Variants in ROCK2 observed in about 807,000 individuals in gnomAD.
The protein encoded by ROCK2 is Rho associated coiled-coil containing protein kinase 2.
Under a neutral mutation model 195.1 loss-of-function variants are expected in ROCK2, and 61 were observed. The ratio of observed to expected loss-of-function variants is 0.31; its 90% CI spans 0.25 to 0.39. The LOEUF is 0.39. Among genes scored for constraint, ROCK2 ranks in the 10% least tolerant of loss-of-function variants. The pLI, the probability that ROCK2 is intolerant of heterozygous loss-of-function variation, is 1.00. For missense variants in ROCK2, 1,109 were observed against 1,637.4 expected, an observed-to-expected ratio of 0.68 and a Z score of 5.57; for synonymous variants, 504 against 545.5, an observed-to-expected ratio of 0.92 and a Z score of 1.06.
At chr2:11,336,758 A>AG (rs148240223) in intron 1 of ROCK2, among the ~76,000 whole-genome samples, 3,368 of 152,302 alleles carry the variant, frequency 0.022, 56 homozygotes, top group East Asian at 0.052. Context: ...AATTATGTGG[A>AG]GAAAAAAAAT....
At chr2:11,285,672 C>A (rs1039928903) in intron 3 of ROCK2, among the ~76,000 whole-genome samples, 1 of 151,876 alleles carries the variant, frequency 6.6e-6, no homozygotes, top group Non-Finnish European at 1.5e-5. Context: ...ACATAAAATA[C>A]AAAAAATGAG....
chr2:11,261,731 C>T (rs956800902), intron 3 of ROCK2, among the ~76,000 whole-genome samples: 3 of 152,224 alleles, frequency 2.0e-5, no homozygotes, highest in African/African-American at 4.8e-5. Flanking sequence ...GCAGGAGAAT[C>T]GCTTCAACCC....
intron 1 of ROCK2, among the ~76,000 whole-genome samples, chr2:11,294,166 A>T (rs888802404): frequency 5.9e-5 from 9 of 152,160 alleles, no homozygotes; most frequent in African/African-American, 1.9e-4. Flanking sequence ...TCAAAAAAAA[A>T]TTTAAAAAAA....
Position 11,201,513 on chromosome 2 carries a change from T to C in ROCK2, c.2620-100A>G, listed in dbSNP as rs1663850841. The C allele has an allele frequency of 4.3e-6, 3 of 702,568 alleles. No homozygotes were observed. In the Admixed American group the frequency reaches 7.1e-5, roughly 17 times the overall value. The allele number at this position is 702,568 out of a possible 1,614,324, so 43.5% of individuals were successfully genotyped here. ...AAAAAGGAGAATGAACACATACAAA[T>C]ATTTTCTTACTGCTAAGTCCCCGAG... On this transcript the variant is annotated intron_variant, in intron 21 of 32. Transcript: ENST00000315872. The surrounding 1 kb of genome is among the most constrained non-coding windows in gnomAD (Gnocchi z 4.6).
In ROCK2 at chr2:11,227,374, C is replaced by T. The variant is rs762061673; in HGVS notation, c.748G>A (p.Ala250Thr). The change falls in exon 6 of 33, where the codon GCA (alanine) becomes ACA (threonine). Residue 250 changes from alanine to threonine, a missense_variant. Physicochemically the swap from Ala to Thr is moderately conservative, Grantham distance 58 (BLOSUM62 0). Coordinates refer to ENST00000315872, the MANE Select transcript of ROCK2 (RefSeq NM_004850.5). Reference sequence around the variant, plus strand: ...GATATATAATCCGGTGTTCCAACTGCTGTATCACAATGTACCATGCCTGTC... The same window carrying T: ...GATATATAATCCGGTGTTCCAACTGTTGTATCACAATGTACCATGCCTGTC... ...DETGMVHCDT[A>T]VGTPDYISPE... The T allele has an allele frequency of 6.2e-7, 1 of 1,613,564 alleles. No homozygotes were observed. The highest frequency in any genetic ancestry group is 8.5e-7 in the Non-Finnish European group (1 of 1,179,664).
Position 11,343,982 on chromosome 2 carries a change from C to T in ROCK2, c.141+14G>A, listed in dbSNP as rs762259291. 6 of 1,585,050 alleles carry T rather than the reference C, an allele frequency of 3.8e-6. 1 individual carries two copies. In the Admixed American group the frequency reaches 5.2e-5, roughly 14 times the overall value. On this transcript the variant is annotated intron_variant, in intron 1 of 32. Coordinates refer to ENST00000315872, the MANE Select transcript of ROCK2 (RefSeq NM_004850.5). ...GAGCTGCAACGAGCAAGCTCCCAGGCCCCGGCCACCTACCAGCAAGCTCTC... is the reference window on the plus strand; with the variant it reads ...GAGCTGCAACGAGCAAGCTCCCAGGTCCCGGCCACCTACCAGCAAGCTCTC...
intron 4 of ROCK2, among the ~76,000 whole-genome samples, chr2:11,248,313 C>T (rs1252115326): frequency 6.6e-6 from 1 of 151,940 alleles, no homozygotes; most frequent in Non-Finnish European, 1.5e-5. Flanking sequence ...TGGTGTATAC[C>T]TAATCTTACT....
chr2:11,182,815 G>C lies in ROCK2; in HGVS notation c.*622C>G, dbSNP rs1296446932. 6.6e-6 allele frequency: 1 copy of C among 152,502 alleles called. No homozygotes were observed. Among genetic ancestry groups the C allele is most frequent in the East Asian group, 1.9e-4 (1 of 5,192 alleles). 9.4% of individuals were successfully genotyped at this position (152,502 alleles called of 1,614,324 possible). On this transcript the variant is annotated 3_prime_UTR_variant, in exon 33 of 33. Transcript: ENST00000315872. ...ACATGCAACTTCCATCAGGTACACA[G>C]GAATGAGTGATATAAACTCCAACAT...
intron 6 of ROCK2, among the ~76,000 whole-genome samples, chr2:11,226,792 A>T (rs542068325): frequency 4.0e-5 from 6 of 151,708 alleles, no homozygotes; most frequent in African/African-American, 1.5e-4. Flanking sequence ...TGTGCCTGTA[A>T]TCCTAGCTAC....
chr2:11,190,550 T>C (rs1663384028), intron 32 of ROCK2, among the ~76,000 whole-genome samples: 1 of 148,882 alleles, frequency 6.7e-6, no homozygotes, highest in East Asian at 2.0e-4. Flanking sequence ...GTGAAATCAT[T>C]AATGTGTCAA....
intron 1 of ROCK2, among the ~76,000 whole-genome samples, chr2:11,333,305 C>T (rs573100406): frequency 6.6e-6 from 1 of 152,296 alleles, no homozygotes; most frequent in South Asian, 2.1e-4. Flanking sequence ...GACTGAAACA[C>T]ATTTTGCCAA....
In ROCK2 at chr2:11,202,066, C is replaced by G. The variant is rs1263474499; in HGVS notation, c.2605G>C (p.Glu869Gln). ...MKELQDQLEA[E>Q]QYFSTLYKTQ... is the part of the protein sequence containing the mutation. ...CTTGAACTTACTGAGAAATACTGTTCTGCTTCGAGCTGATCCTGGAGCTCT... is the reference window on the plus strand; with the variant it reads ...CTTGAACTTACTGAGAAATACTGTTGTGCTTCGAGCTGATCCTGGAGCTCT... The change falls in exon 21 of 33, where the codon GAA becomes CAA. Residue 869 changes from glutamate to glutamine, a missense_variant. By Grantham distance (29) the Glu-to-Gln change is conservative. This residue lies in a region of ROCK2 where 542 missense variants were observed against 672.0 expected (regional missense o/e 0.81). Transcript: ENST00000315872. 1 of 1,613,606 alleles carries G rather than the reference C, an allele frequency of 6.2e-7. No individual in the cohort carries two copies.
intron 3 of ROCK2, among the ~76,000 whole-genome samples, chr2:11,271,042 G>T (rs1012163039): frequency 3.3e-5 from 5 of 152,104 alleles, no homozygotes; most frequent in Non-Finnish European, 5.9e-5. Flanking sequence ...TTATGATTAG[G>T]TCTCAGCGAA....
intron 3 of ROCK2, among the ~76,000 whole-genome samples, chr2:11,255,928 CAAAAAAAAA>C (rs57678031): frequency 2.1e-4 from 7 of 33,070 alleles, no homozygotes; most frequent in Middle Eastern, 0.036. Context: ...GACTCCATCT[CAAAAAAAAA>C]AAAAAAAAAA....
intron 20 of ROCK2, among the ~76,000 whole-genome samples, chr2:11,202,537 GC>G (rs1663897570): frequency 1.3e-5 from 2 of 151,366 alleles, no homozygotes; most frequent in Admixed American, 1.3e-4. Context: ...TCACTCTGTC[GC>G]CCAGGCTGGA....
chr2:11,321,398 G>C (rs1040087829), intron 1 of ROCK2, among the ~76,000 whole-genome samples: 1 of 151,348 alleles, frequency 6.6e-6, no homozygotes, highest in Non-Finnish European at 1.5e-5. Context: ...GGTTGCTCTC[G>C]AACTCCTGCC....
At chr2:11,317,576 T>TTATATATCTATATATATATC (rs1668237737) in intron 1 of ROCK2, among the ~76,000 whole-genome samples, 1 of 29,584 alleles carries the variant, frequency 3.4e-5, no homozygotes, top group African/African-American at 1.6e-4. Context: ...ATCTACACAT[T>TTATATATCTATATATATATC]TATATATATA....
rs1491062697 is a variant in ROCK2, at chr2:11,305,477, A to ACT, written c.142-17743_142-17742dup. Among the ~76,000 whole-genome samples, 6 of 149,354 alleles carry ACT rather than the reference A, an allele frequency of 4.0e-5. No homozygotes were observed. The South Asian group carries it at 8.5e-4, about 21-fold the overall frequency. ...CACACACACACACACACACACACAC[A>ACT]CTTACGTGCATGCACATGCTTCCTG... On this transcript the variant is annotated intron_variant, in intron 1 of 32. Transcript: ENST00000315872.
intron 5 of ROCK2, among the ~76,000 whole-genome samples, chr2:11,228,667 A>C (rs1664895353): frequency 6.6e-6 from 1 of 152,128 alleles, no homozygotes; most frequent in East Asian, 1.9e-4. Flanking sequence ...GAGGCTTATT[A>C]GGTTAAAGAA....
Sources: gnomAD v4.1 joint callset for allele counts (sites outside exome capture counted in the v4.1 genomes callset) on GRCh38, gnomAD v4.1.1 for gene constraint, gnomAD v4.1.1 regional missense constraint, Gnocchi (gnomAD v3.1) non-coding constraint, MANE v1.5 for transcripts, NCBI Gene and HGNC (gene_info 2026-07-23, HGNC 2026-07-21) for gene names.